LACTB2: variants seen among roughly 807,000 people sequenced by gnomAD.
LACTB2 encodes endoribonuclease LACTB2.
In LACTB2, 32 loss-of-function variants were observed where a neutral mutation model predicts 34.8. The observed-to-expected ratio is 0.92, with a 90% CI of 0.69 to 1.24. The LOEUF is 1.24. Ranked by LOEUF, LACTB2 falls within the 50% of genes most tolerant of loss-of-function variation. LACTB2 has a pLI of 0.00. For missense variants in LACTB2, 320 were observed against 345.0 expected (o/e 0.93, Z 0.57); for synonymous variants, 120 against 117.5 (o/e 1.02, Z -0.14).
At chr8:70,663,797 G>A (rs1366340383) in intron 1 of LACTB2, among the ~76,000 whole-genome samples, 1 of 151,970 alleles carries the variant, frequency 6.6e-6, no homozygotes, top group Non-Finnish European at 1.5e-5. Context: ...TTTTTCCATA[G>A]CAATTATTAC....
At chr8:70,638,744 A>ATTTT in intron 5 of LACTB2, 115 bp from the exon 6 acceptor site, 5 of 636,208 alleles carry the variant, frequency 7.9e-6, no homozygotes, top group Non-Finnish European at 1.1e-5. Context: ...TCTTAAACAC[A>ATTTT]TTTTTTTTTT....
At chr8:70,659,607 GT>G (rs1239727987) in intron 2 of LACTB2, among the ~76,000 whole-genome samples, 1 of 151,936 alleles carries the variant, frequency 6.6e-6, no homozygotes, top group Non-Finnish European at 1.5e-5. Context: ...AGATATTGAG[GT>G]TTTTTTGTTT....
intron 4 of LACTB2, among the ~76,000 whole-genome samples, chr8:70,643,228 T>A (rs914212943): frequency 9.7e-6 from 1 of 103,534 alleles, no homozygotes; most frequent in African/African-American, 4.5e-5. Flanking sequence ...TTTTTTTTTT[T>A]TTTTTTTTTT....
chr8:70,668,891 C>T, intron 1 of LACTB2, 108 bp downstream of exon 1: 1 of 1,470,516 alleles, frequency 6.8e-7, no homozygotes, highest in South Asian at 1.3e-5. Flanking sequence ...GGCTGCCCAG[C>T]TAGGGACAGG....
chr8:70,660,556 G>A (rs1818468781), intron 2 of LACTB2: 1 of 454,530 alleles, frequency 2.2e-6, no homozygotes, highest in South Asian at 1.6e-5. Context: ...ATGTAAATAA[G>A]CATGAATGTT....
At chr8:70,661,697 C>A in intron 2 of LACTB2, 37 bp downstream of exon 2, 3 of 1,567,602 alleles carry the variant, frequency 1.9e-6, no homozygotes, top group Non-Finnish European at 2.6e-6. Context: ...CCAAACACGG[C>A]TTTCCTCAAT....
At chr8:70,638,506 T>C in intron 6 of LACTB2, 42 bp downstream of exon 6, 2 of 1,504,108 alleles carry the variant, frequency 1.3e-6, no homozygotes, top group South Asian at 1.3e-5. Flanking sequence ...GTAAAAATAT[T>C]TTAAATGCTG....
chr8:70,639,303 G>A (rs1425225213), intron 5 of LACTB2, among the ~76,000 whole-genome samples: 2 of 151,854 alleles, frequency 1.3e-5, no homozygotes, highest in Admixed American at 1.3e-4. Context: ...AGGATTACAG[G>A]CGTGTGCCAC....
At position 70,644,182 on chromosome 8, in the gene LACTB2, C is replaced by G. The variant is rs1444529973; in HGVS notation, c.475G>C (p.Ala159Pro). Reference protein sequence around the residue: ...HMALLLEEENAIFSGDCILGE... With the variant: ...HMALLLEEENPIFSGDCILGE... ...AGGATGCAATCTCCAGAAAAGATAG[C>G]ATTTTCCTCTTCTAAGAGTAGAGCC... The change falls in exon 4 of 7, where the codon GCT (alanine) becomes CCT (proline). Residue 159 changes from alanine to proline, a missense_variant. Physicochemically the swap from Ala to Pro is conservative, Grantham distance 27. Transcript: ENST00000276590. 6.2e-7 allele frequency: 1 copy of G among 1,612,974 alleles called. No homozygotes were observed. Among genetic ancestry groups the G allele is most frequent in the Non-Finnish European group, 8.5e-7 (1 of 1,179,460 alleles).
At chr8:70,657,707 A>ACAG in intron 3 of LACTB2, 49 bp downstream of exon 3, 1 of 1,504,384 alleles carries the variant, frequency 6.6e-7, no homozygotes, top group Non-Finnish European at 8.9e-7. Flanking sequence ...TTTCTATAAC[A>ACAG]CACATACACA....
At chr8:70,651,561 C>T (rs1305930326) in intron 3 of LACTB2, among the ~76,000 whole-genome samples, 3 of 152,032 alleles carry the variant, frequency 2.0e-5, no homozygotes, top group Non-Finnish European at 4.4e-5. Context: ...CTTGTAGAAC[C>T]ACTCTTCATC....
At chr8:70,662,388 G>A (rs1282627192) in intron 1 of LACTB2, 1 of 152,210 alleles carries the variant, frequency 6.6e-6, no homozygotes, top group African/African-American at 2.4e-5. Flanking sequence ...TTATAGATAT[G>A]AAAGATTTTG....
chr8:70,662,353 CAT>C (rs962948762), intron 1 of LACTB2: 1 of 153,120 alleles, frequency 6.5e-6, no homozygotes, highest in African/African-American at 2.4e-5. Flanking sequence ...TTTGAGATCT[CAT>C]ATCTCAGTAT....
intron 3 of LACTB2, among the ~76,000 whole-genome samples, chr8:70,656,419 C>G (rs1344157079): frequency 6.6e-6 from 1 of 152,164 alleles, no homozygotes; most frequent in African/African-American, 2.4e-5. Context: ...ATTATCCCGC[C>G]ACCATTTATT....
chr8:70,638,658 TC>T (rs1326102491), intron 5 of LACTB2, 29 bp from the exon 6 acceptor site: 2 of 1,244,070 alleles, frequency 1.6e-6, no homozygotes, highest in East Asian at 2.9e-5. Context: ...TGAAAAAAAT[TC>T]CTTTTTTTTT....
chr8:70,661,629 A>AGGTATTTAGTAAAT, intron 2 of LACTB2, 105 bp downstream of exon 2: 1 of 918,234 alleles, frequency 1.1e-6, no homozygotes, highest in South Asian at 1.8e-5. Flanking sequence ...TTTAAAACTG[A>AGGTATTTAGTAAAT]GGTATTTAGT....
intron 1 of LACTB2, 70 bp from the exon 2 acceptor site, chr8:70,661,967 G>T: frequency 1.5e-6 from 2 of 1,309,670 alleles, no homozygotes. Flanking sequence ...TTTGCACACA[G>T]ATAATTTACA....
chr8:70,653,997 T>C (rs1818377616), intron 3 of LACTB2: 1 of 152,260 alleles, frequency 6.6e-6, no homozygotes, highest in Non-Finnish European at 1.5e-5. Context: ...TAAACATTTC[T>C]GAGTTGTTTT....
chr8:70,647,121 T>C (rs1818273149), intron 3 of LACTB2, among the ~76,000 whole-genome samples: 2 of 152,128 alleles, frequency 1.3e-5, no homozygotes, highest in South Asian at 4.1e-4. Context: ...TCACAGCAAA[T>C]AGCAATACAT....
Sources: allele counts gnomAD v4.1 joint callset (sites outside exome capture counted in the v4.1 genomes callset), GRCh38; gene constraint gnomAD v4.1.1; transcripts MANE v1.5; gene names NCBI Gene and HGNC (gene_info 2026-07-23, HGNC 2026-07-21).